Variants in TAB1 observed in about 807,000 individuals in gnomAD.
TAB1 encodes TGF-beta-activated kinase 1 and MAP3K7-binding protein 1.
A neutral mutation model predicts 54.5 loss-of-function variants in TAB1; 30 were observed. That is an observed-to-expected ratio of 0.55 (90% CI 0.41 to 0.75). The LOEUF is 0.75. Among genes scored for constraint, TAB1 ranks in the 30% least tolerant of loss-of-function variants. The probability of loss-of-function intolerance (pLI) is 0.00; values close to 1 mark genes in which losing one functional copy is unlikely to be tolerated. For missense variants in TAB1, 609 were observed against 683.2 expected (o/e 0.89, Z 1.21); for synonymous variants, 289 against 286.9 (o/e 1.01, Z -0.07).
chr22:39,434,389 C>G (rs17001108), downstream of TAB1, among the ~76,000 whole-genome samples: 86 of 152,378 alleles, frequency 5.6e-4, no homozygotes, highest in African/African-American at 2.0e-3. Context: ...GGCCTCTTCA[C>G]AGCCGAAGTG....
Position 39,430,336 on chromosome 22 carries a change from A to G in TAB1, c.*114A>G. The G allele has an allele frequency of 2.6e-6, 4 of 1,533,960 alleles. No individual in the cohort carries two copies. Among genetic ancestry groups the G allele is most frequent in the South Asian group, 1.2e-5 (1 of 81,746 alleles). On this transcript the variant is annotated 3_prime_UTR_variant, in exon 11 of 11. Coordinates refer to ENST00000216160, the MANE Select transcript of TAB1 (RefSeq NM_006116.3). ...CCAGCAGGTGCCCCATCCTCTGCCC[A>G]CAGCAGACTCTGTCCCATGGCTCTC...
Position 39,415,760 on chromosome 22 carries a change from C to A in TAB1, c.324+107C>A. On this transcript the variant is annotated intron_variant, in intron 3 of 10. Transcript: ENST00000216160. This position sits in a 1 kb window ranked among gnomAD's most constrained non-coding sequence, Gnocchi z 4.9. ...GCCAGGGTTGGTGTGAAGATCCTGC[C>A]GGCCCCTTCACCCCAGTAGAGGAGC... 7.0e-7 allele frequency: 1 copy of A among 1,421,014 alleles called. No individual in the cohort carries two copies. Among genetic ancestry groups the A allele is most frequent in the Non-Finnish European group, 9.4e-7 (1 of 1,060,478 alleles). The allele number at this position is 1,421,014 out of a possible 1,614,324, so 88.0% of individuals were successfully genotyped here. A position where few individuals can be genotyped will look rare whatever the true frequency, so the allele number is the denominator to read the frequency against.
chr22:39,429,333 G>C, intron 10 of TAB1: 2 of 985,458 alleles, frequency 2.0e-6, no homozygotes, highest in South Asian at 9.4e-5. Context: ...GTTGGGACGG[G>C]TTTAGAGAGA....
intron 1 of TAB1, among the ~76,000 whole-genome samples, chr22:39,414,161 G>T (rs1926725470): frequency 6.6e-6 from 1 of 152,150 alleles, no homozygotes; most frequent in Non-Finnish European, 1.5e-5. Context: ...AGCCAGTCCT[G>T]GGTAGGGTCA....
At position 39,419,614 on chromosome 22, in the gene TAB1, G is replaced by A; in HGVS notation, c.760G>A (p.Asp254Asn). The A allele has an allele frequency of 6.2e-7, 1 of 1,610,466 alleles. No homozygotes were observed. The highest frequency in any genetic ancestry group is 8.5e-7 in the Non-Finnish European group (1 of 1,177,562). ...GDYKVKYGYTDIDLLSAAKSK... is the reference protein window; with the variant it reads ...GDYKVKYGYTNIDLLSAAKSK... ...TTACAAGGTTAAATATGGCTACACG[G>A]ACATTGACCTTCTCAGGTAGGTGCC... The change falls in exon 7 of 11, where the codon GAC becomes AAC. Residue 254 changes from aspartate (D) to asparagine (N), a missense_variant. Physicochemically the swap from Asp to Asn is conservative, Grantham distance 23. Coordinates refer to ENST00000216160, the MANE Select transcript of TAB1 (RefSeq NM_006116.3).
chr22:39,400,174 A>G (rs1397483362), intron 1 of TAB1, among the ~76,000 whole-genome samples: 1 of 152,242 alleles, frequency 6.6e-6, no homozygotes, highest in Non-Finnish European at 1.5e-5. Context: ...ACGTGCAATG[A>G]TAATAACAGC....
In TAB1 at chr22:39,415,083, C is replaced by T; in HGVS notation, c.111C>T (p.Tyr37=). ...SGVGSASNRS[Y]SADGKGTESH... The stretch of plus-strand genomic sequence containing the variant: ...TTGGCTCAGCCTCCAACCGCAGCTA[C>T]TCTGCTGATGGCAAGGGCACTGAGA... Residue 37 remains tyrosine (Y), a synonymous_variant, in exon 2 of 11, where the codon TAC becomes TAT. Coordinates refer to ENST00000216160, the MANE Select transcript of TAB1 (RefSeq NM_006116.3). The surrounding 1 kb of genome is among the most constrained non-coding windows in gnomAD (Gnocchi z 4.9). The T allele has an allele frequency of 3.1e-6, 5 of 1,613,454 alleles. No individual in the cohort carries two copies. The highest frequency in any genetic ancestry group is 4.2e-6 in the Non-Finnish European group (5 of 1,179,516).
chr22:39,411,602 C>T (rs902146317), intron 1 of TAB1, among the ~76,000 whole-genome samples: 11 of 152,138 alleles, frequency 7.2e-5, no homozygotes, highest in African/African-American at 9.7e-5. Flanking sequence ...GTGGCAAGGA[C>T]GTGGAGCAGC....
chr22:39,436,409 G>A, downstream of TAB1: 1 of 1,206,516 alleles, frequency 8.3e-7, no homozygotes, highest in Non-Finnish European at 1.2e-6. Context: ...GGTTTAGAAA[G>A]TTGCCCAAGA....
chr22:39,429,946 G>A (rs2145684918), intron 10 of TAB1, 69 bp from the exon 11 acceptor site: 1 of 1,594,328 alleles, frequency 6.3e-7, no homozygotes, highest in Admixed American at 1.7e-5. Flanking sequence ...GGGCCATTCT[G>A]TCCCCACTCT....
chr22:39,425,300 T>C (rs945361529), intron 8 of TAB1, among the ~76,000 whole-genome samples: 2 of 151,954 alleles, frequency 1.3e-5, no homozygotes, highest in Non-Finnish European at 2.9e-5. Flanking sequence ...GGGAGAATTC[T>C]TGAACCTGGG....
intron 8 of TAB1, among the ~76,000 whole-genome samples, chr22:39,425,083 T>C (rs1285344015): frequency 1.3e-5 from 2 of 151,996 alleles, no homozygotes; most frequent in Admixed American, 1.3e-4. Context: ...ATAAATTACA[T>C]GAGATTCGGC....
chr22:39,429,161 G>C, intron 10 of TAB1: 1 of 985,458 alleles, frequency 1.0e-6, no homozygotes, highest in Non-Finnish European at 1.2e-6. Flanking sequence ...ACCATGGGCT[G>C]GCCCTGTGCT....
At position 39,431,114 on chromosome 22, in the gene TAB1, G is replaced by A; in HGVS notation, c.*892G>A. Reference sequence around the variant, plus strand: ...CTCTGCCGGCTGAGGGTAGCAAGCAGGGGTTGTGAGTCAGGCTGGGGGACT... The same window carrying A: ...CTCTGCCGGCTGAGGGTAGCAAGCAAGGGTTGTGAGTCAGGCTGGGGGACT... On this transcript the variant is annotated 3_prime_UTR_variant, in exon 11 of 11. Transcript: ENST00000216160. 1 of 985,938 alleles carries A rather than the reference G, an allele frequency of 1.0e-6. No homozygotes were observed. The highest frequency in any genetic ancestry group is 1.2e-6 in the Non-Finnish European group (1 of 830,302). 61.1% of individuals were successfully genotyped at this position (985,938 alleles called of 1,614,324 possible).
chr22:39,418,772 G>C lies in TAB1; in HGVS notation c.591G>C (p.Gly197=). The C allele has an allele frequency of 6.2e-7, 1 of 1,614,182 alleles. No individual in the cohort carries two copies. Among genetic ancestry groups the C allele is most frequent in the African/African-American group, 1.3e-5 (1 of 75,048 alleles). Residue 197 remains glycine (G), a synonymous_variant, in exon 6 of 11, where the codon GGG becomes GGC. Transcript: ENST00000216160. ...RALLCKSTVD[G]LQVTQLNVDH... is the part of the protein sequence containing the mutation. ...TTTTATGCAAATCGACAGTGGATGG[G>C]TTGCAGGTGACACAGCTGAACGTGG... is the stretch of plus-strand genomic sequence containing the variant.
chr22:39,421,403 A>C (rs1321580876), intron 7 of TAB1, among the ~76,000 whole-genome samples: 1 of 152,128 alleles, frequency 6.6e-6, no homozygotes, highest in Non-Finnish European at 1.5e-5. Flanking sequence ...CCAGTCACTA[A>C]AGGATCCCTG....
downstream of TAB1, among the ~76,000 whole-genome samples, chr22:39,434,006 A>C (rs1039286366): frequency 4.6e-5 from 7 of 151,932 alleles, no homozygotes; most frequent in Non-Finnish European, 1.0e-4. Flanking sequence ...ACTAGGTCCC[A>C]GCCAGGCACG....
intron 1 of TAB1, among the ~76,000 whole-genome samples, chr22:39,400,727 C>T (rs1210991994): frequency 1.3e-5 from 2 of 152,232 alleles, no homozygotes; most frequent in Non-Finnish European, 2.9e-5. Context: ...ATGGACTTGT[C>T]TGCCTCCTGT....
intron 7 of TAB1, among the ~76,000 whole-genome samples, chr22:39,421,262 A>G (rs1417760715): frequency 6.6e-6 from 1 of 152,040 alleles, no homozygotes; most frequent in African/African-American, 2.4e-5. Context: ...AACCGCTCCC[A>G]GGGCCCAGCC....
Sources: gnomAD v4.1 joint callset for allele counts (sites outside exome capture counted in the v4.1 genomes callset) on GRCh38, gnomAD v4.1.1 for gene constraint, Gnocchi (gnomAD v3.1) non-coding constraint, MANE v1.5 for transcripts, NCBI Gene and HGNC (gene_info 2026-07-23, HGNC 2026-07-21) for gene names.